ARHGEF9: variants seen among roughly 807,000 people sequenced by gnomAD.
ARHGEF9 encodes rho guanine nucleotide exchange factor 9.
A neutral mutation model predicts 41.3 loss-of-function variants in ARHGEF9; 2 were observed. The ratio of observed to expected loss-of-function variants is 0.05; its 90% CI spans 0.02 to 0.15. The LOEUF (loss-of-function observed/expected upper bound fraction) is 0.15, where lower values mean the gene tolerates loss of function less well. Among genes scored for constraint, ARHGEF9 ranks in the 10% least tolerant of loss-of-function variants. The pLI is 1.00. For missense variants in ARHGEF9, 225 were observed against 424.7 expected (o/e 0.53, Z 4.13); for synonymous variants, 160 against 154.4 (o/e 1.04, Z -0.27).
intron 3 of ARHGEF9, among the ~76,000 whole-genome samples, chrX:63,698,684 A>G (rs1269994396): frequency 9.0e-6 from 1 of 110,856 alleles, no homozygotes; most frequent in Non-Finnish European, 1.9e-5. Context: ...CCTGGCTTCA[A>G]TGTCTTTTAC....
intron 2 of ARHGEF9, among the ~76,000 whole-genome samples, chrX:63,710,048 T>C (rs2052810443): frequency 9.0e-6 from 1 of 110,537 alleles, no homozygotes; most frequent in African/African-American, 3.3e-5. Flanking sequence ...AAAAATAGAT[T>C]AAAATTATTA....
chrX:63,758,651 A>C (rs2055976323), intron 1 of ARHGEF9, among the ~76,000 whole-genome samples: 1 of 111,235 alleles, frequency 9.0e-6, no homozygotes, highest in Non-Finnish European at 1.9e-5. Context: ...GCCTATATAA[A>C]CTGCTGCTTT....
At chrX:63,754,754 G>A in intron 1 of ARHGEF9, 3 of 953,218 alleles carry the variant, frequency 3.1e-6, no homozygotes, top group Non-Finnish European at 3.9e-6. Context: ...GGAGGGGAGG[G>A]GGATGGGGAC....
intron 1 of ARHGEF9, among the ~76,000 whole-genome samples, chrX:63,729,808 G>C (rs2054175012): frequency 8.9e-6 from 1 of 112,121 alleles, no homozygotes; most frequent in Admixed American, 9.4e-5. Context: ...GGGACACATA[G>C]TGTTTCCCAC....
chrX:63,667,181 A>G (rs1370054245), intron 6 of ARHGEF9, among the ~76,000 whole-genome samples: 3 of 111,849 alleles, frequency 2.7e-5, no homozygotes, highest in Non-Finnish European at 5.6e-5. Flanking sequence ...GATATTTTCA[A>G]TCTATCTTAT....
intron 1 of ARHGEF9, among the ~76,000 whole-genome samples, chrX:63,772,188 G>A (rs1283701154): frequency 3.6e-5 from 4 of 111,739 alleles, no homozygotes; most frequent in African/African-American, 1.3e-4. Flanking sequence ...GAAACCTAGG[G>A]GTCATCTTCC....
At chrX:63,647,067 T>G (rs1325207920) in intron 8 of ARHGEF9, among the ~76,000 whole-genome samples, 1 of 112,012 alleles carries the variant, frequency 8.9e-6, no homozygotes, top group Non-Finnish European at 1.9e-5. Flanking sequence ...TTGTGATTTT[T>G]GCACATTGAT....
chrX:63,680,016 A>C (rs2050515923), intron 4 of ARHGEF9, among the ~76,000 whole-genome samples: 1 of 112,594 alleles, frequency 8.9e-6, no homozygotes, highest in Admixed American at 9.4e-5. Context: ...CAATGTACAA[A>C]AATCAACCGT....
intron 1 of ARHGEF9, among the ~76,000 whole-genome samples, chrX:63,746,001 GTTC>G (rs1370402644): frequency 8.9e-6 from 1 of 112,221 alleles, no homozygotes; most frequent in African/African-American, 3.2e-5. Context: ...TGAGAACATA[GTTC>G]TTCTACTGAA....
At chrX:63,655,830 C>T in intron 7 of ARHGEF9, 93 bp from the exon 8 acceptor site, 4 of 1,108,063 alleles carry the variant, frequency 3.6e-6, no homozygotes, top group Non-Finnish European at 4.9e-6. Context: ...AACACTGTCA[C>T]CGTTTTGAAG....
intron 1 of ARHGEF9, among the ~76,000 whole-genome samples, chrX:63,769,798 A>T (rs781867976): frequency 5.1e-4 from 58 of 112,704 alleles, no homozygotes; most frequent in Non-Finnish European, 1.1e-4. Flanking sequence ...GATGCACAAA[A>T]GTCAAAGATT....
At chrX:63,773,295 A>G (rs1556456004) in intron 1 of ARHGEF9, among the ~76,000 whole-genome samples, 1 of 112,216 alleles carries the variant, frequency 8.9e-6, no homozygotes, top group East Asian at 2.8e-4. Flanking sequence ...GAATCCAGGA[A>G]GCCTTGGGTT....
At chrX:63,778,952 A>G (rs1273871941) in intron 1 of ARHGEF9, among the ~76,000 whole-genome samples, 1 of 112,493 alleles carries the variant, frequency 8.9e-6, no homozygotes, top group Non-Finnish European at 1.9e-5. Flanking sequence ...GAATAAATTA[A>G]TAACCTGAAA....
chrX:63,777,716 G>T (rs2056315263), intron 1 of ARHGEF9, among the ~76,000 whole-genome samples: 1 of 112,547 alleles, frequency 8.9e-6, no homozygotes, highest in African/African-American at 3.2e-5. Flanking sequence ...TTGGCCAAAA[G>T]AAAGGAGTTA....
chrX:63,660,901 A>G (rs111990036), intron 7 of ARHGEF9, among the ~76,000 whole-genome samples: 2,681 of 111,536 alleles, frequency 0.024, 52 homozygotes, highest in African/African-American at 0.052. Flanking sequence ...CATGGGCGAA[A>G]GGAGATTGCC....
At chrX:63,750,458 C>A (rs1185435264) in intron 1 of ARHGEF9, among the ~76,000 whole-genome samples, 1 of 111,390 alleles carries the variant, frequency 9.0e-6, no homozygotes, top group Non-Finnish European at 1.9e-5. Flanking sequence ...CAGCCTCCCC[C>A]GTCAGAAACT....
chrX:63,780,516 T>C (rs1556461464), intron 1 of ARHGEF9, among the ~76,000 whole-genome samples: 4 of 111,024 alleles, frequency 3.6e-5, no homozygotes, highest in Non-Finnish European at 5.7e-5. Context: ...CTATAGATAA[T>C]TTTTTTTAAG....
At chrX:63,641,356 GAAA>G (rs782439203) in intron 9 of ARHGEF9, 2 of 76,742 alleles carry the variant, frequency 2.6e-5, no homozygotes, top group East Asian at 4.2e-4. Flanking sequence ...CCATCTCAGG[GAAA>G]AAAAAAAAAA....
intron 4 of ARHGEF9, among the ~76,000 whole-genome samples, chrX:63,686,488 C>T (rs2050989138): frequency 9.0e-6 from 1 of 110,542 alleles, no homozygotes; most frequent in Admixed American, 9.6e-5. Flanking sequence ...TGCATTGTAC[C>T]CTAAAACCCG....
Sources: gnomAD v4.1 joint callset for allele counts (sites outside exome capture counted in the v4.1 genomes callset) on GRCh38, gnomAD v4.1.1 for gene constraint, MANE v1.5 for transcripts, NCBI Gene and HGNC (gene_info 2026-07-23, HGNC 2026-07-21) for gene names.